The following ADAMTS17 variants were observed in gnomAD, a reference collection of about 807,000 sequenced individuals.
The protein encoded by ADAMTS17 is A disintegrin and metalloproteinase with thrombospondin motifs 17.
ADAMTS17 carries 113 observed loss-of-function variants against 141.5 expected under a neutral mutation model. The observed-to-expected ratio is 0.80, with a 90% CI of 0.69 to 0.93. The LOEUF (loss-of-function observed/expected upper bound fraction) is 0.93. Ranked by LOEUF, ADAMTS17 falls within the 40% of genes least tolerant of loss-of-function variation. The probability of loss-of-function intolerance (pLI) is 0.00; values close to 1 mark genes in which losing one functional copy is unlikely to be tolerated. For synonymous variants in ADAMTS17, 768 were observed against 630.6 expected (o/e 1.22, Z -3.27); for missense variants, 1,659 against 1,517.9 (o/e 1.09, Z -1.54).
intron 16 of ADAMTS17, 148 bp from the exon 17 acceptor site, chr15:100,051,879 G>T (rs945584328): frequency 4.0e-5 from 41 of 1,015,074 alleles, no homozygotes; most frequent in Admixed American, 9.4e-5. Context: ...TCCACTGAGG[G>T]TGCTCCTTTA....
intron 15 of ADAMTS17, among the ~76,000 whole-genome samples, chr15:100,058,186 A>ACCCCCTATCCCGGCTCTAACC (rs112502855): frequency 1.4e-4 from 3 of 21,294 alleles, no homozygotes; most frequent in African/African-American, 3.8e-4. Context: ...CGGCTCTAAC[A>ACCCCCTATCCCGGCTCTAACC]CCCCTATCCC....
intron 12 of ADAMTS17, 61 bp downstream of exon 12, chr15:100,131,946 G>C (rs930430485): frequency 6.2e-7 from 1 of 1,610,846 alleles, no homozygotes; most frequent in South Asian, 1.1e-5. Flanking sequence ...GAGGCAGCGA[G>C]AGCTGCTGTT....
chr15:100,258,475 C>A (rs4396514), intron 6 of ADAMTS17, among the ~76,000 whole-genome samples: 2 of 151,940 alleles, frequency 1.3e-5, no homozygotes, highest in South Asian at 2.1e-4. Flanking sequence ...AGGTTTAATG[C>A]ACTTATAGTT....
chr15:99,984,078 C>G (rs532008420), intron 20 of ADAMTS17, among the ~76,000 whole-genome samples: 2 of 152,144 alleles, frequency 1.3e-5, no homozygotes, highest in Non-Finnish European at 2.9e-5. Context: ...ACGCCCCCTG[C>G]GACGCCTGCT....
At position 100,258,613 on chromosome 15, in the gene ADAMTS17, T is replaced by C. The variant is rs531279636; in HGVS notation, c.1031+2866A>G. On this transcript the variant is annotated intron_variant, in intron 6 of 21. Coordinates refer to ENST00000268070, the MANE Select transcript of ADAMTS17 (RefSeq NM_139057.4). ...ATATAATCAGATCTTGTGAGACTTC[T>C]TCACGATCCCGAGAACAGCACAAGA... 2.9e-3 allele frequency among the ~76,000 whole-genome samples: 448 copies of C among 152,160 alleles called. 6 individuals carry two copies. The highest frequency in any genetic ancestry group is 0.011 in the African/African-American group (438 of 41,500).
At chr15:100,331,829 C>T (rs572356980) in intron 2 of ADAMTS17, among the ~76,000 whole-genome samples, 1 of 152,300 alleles carries the variant, frequency 6.6e-6, no homozygotes, top group African/African-American at 2.4e-5. Flanking sequence ...CCCAAATCAC[C>T]TGGAGGTCCT....
intron 7 of ADAMTS17, among the ~76,000 whole-genome samples, chr15:100,207,672 T>C (rs2041629882): frequency 6.6e-6 from 1 of 152,164 alleles, no homozygotes; most frequent in African/African-American, 2.4e-5. Context: ...GTGGGGGTGT[T>C]CTGTATTTCA....
chr15:100,152,027 G>C (rs1259440045), intron 10 of ADAMTS17, among the ~76,000 whole-genome samples: 6 of 152,144 alleles, frequency 3.9e-5, no homozygotes, highest in Non-Finnish European at 8.8e-5. Context: ...CAGGATCTCG[G>C]GAGCCATGGT....
At chr15:100,326,601 C>T (rs2045908313) in intron 3 of ADAMTS17, among the ~76,000 whole-genome samples, 2 of 152,150 alleles carry the variant, frequency 1.3e-5, no homozygotes, top group Non-Finnish European at 2.9e-5. Context: ...CAGACTTTTA[C>T]CAAGTGTGTG....
intron 20 of ADAMTS17, among the ~76,000 whole-genome samples, chr15:99,986,788 C>T (rs1026944606): frequency 1.3e-5 from 2 of 152,108 alleles, no homozygotes; most frequent in South Asian, 4.1e-4. Context: ...TTTAAGGGCC[C>T]GCCACCCCCA....
intron 8 of ADAMTS17, among the ~76,000 whole-genome samples, chr15:100,177,403 G>T (rs1273711876): frequency 1.3e-5 from 2 of 152,084 alleles, no homozygotes; most frequent in African/African-American, 4.8e-5. Flanking sequence ...CTTCTCTTAT[G>T]GTTTATCCAG....
chr15:100,035,306 G>A (rs1184762457), intron 18 of ADAMTS17, among the ~76,000 whole-genome samples: 1 of 152,240 alleles, frequency 6.6e-6, no homozygotes, highest in Non-Finnish European at 1.5e-5. Context: ...GAAAGGAACA[G>A]ATGTAAAACG....
At chr15:100,280,649 A>G (rs1354288483) in intron 4 of ADAMTS17, among the ~76,000 whole-genome samples, 1 of 152,118 alleles carries the variant, frequency 6.6e-6, no homozygotes, top group Non-Finnish European at 1.5e-5. Flanking sequence ...TTGGTCCTTA[A>G]AAACACCTGG....
chr15:100,104,649 A>T (rs2036310986), intron 14 of ADAMTS17, among the ~76,000 whole-genome samples: 1 of 152,200 alleles, frequency 6.6e-6, no homozygotes, highest in Non-Finnish European at 1.5e-5. Context: ...AACCACGGCA[A>T]TATTTCTGTG....
chr15:100,063,509 T>C (rs2033278707), intron 15 of ADAMTS17: 1 of 429,002 alleles, frequency 2.3e-6, no homozygotes, highest in Non-Finnish European at 4.3e-6. Flanking sequence ...GGCTGCATGT[T>C]AGTCAAATAT....
intron 2 of ADAMTS17, among the ~76,000 whole-genome samples, chr15:100,334,206 A>G (rs1330927615): frequency 6.6e-6 from 1 of 152,216 alleles, no homozygotes; most frequent in Non-Finnish European, 1.5e-5. Flanking sequence ...TGTGAAAGAC[A>G]TAGAGGTTTT....
intron 8 of ADAMTS17, among the ~76,000 whole-genome samples, chr15:100,159,304 G>A (rs538092267): frequency 1.3e-4 from 20 of 152,300 alleles, no homozygotes; most frequent in Non-Finnish European, 2.1e-4. Context: ...GAAATTCTGC[G>A]ATATGCAACA....
intron 12 of ADAMTS17, chr15:100,128,808 A>C (rs2037882550): frequency 6.6e-6 from 1 of 152,214 alleles, no homozygotes; most frequent in African/African-American, 2.4e-5. Context: ...CCCCAGAGCA[A>C]AATGCCCCTG....
At chr15:100,332,574 G>C (rs1262185816) in intron 2 of ADAMTS17, among the ~76,000 whole-genome samples, 2 of 152,226 alleles carry the variant, frequency 1.3e-5, no homozygotes, top group East Asian at 1.9e-4. Context: ...GTTCAGTCTA[G>C]AGTTTGCATT....
Sources: allele counts gnomAD v4.1 joint callset (sites outside exome capture counted in the v4.1 genomes callset), GRCh38; gene constraint gnomAD v4.1.1; transcripts MANE v1.5; gene names NCBI Gene and HGNC (gene_info 2026-07-23, HGNC 2026-07-21).